Variants in GRIK4 observed in about 807,000 individuals in gnomAD.
The protein encoded by GRIK4 is glutamate receptor ionotropic, kainate 4.
In GRIK4, 40 loss-of-function variants were observed where a neutral mutation model predicts 104.9. The observed-to-expected ratio is 0.38, with a 90% confidence interval of 0.30 to 0.50. GRIK4 has a LOEUF of 0.50. GRIK4 is among the 20% of genes least tolerant of loss of function. The probability of loss-of-function intolerance (pLI) is 0.93; values close to 1 mark genes in which losing one functional copy is unlikely to be tolerated. For synonymous variants in GRIK4, 485 were observed against 524.9 expected (o/e 0.92, Z 1.04); for missense variants, 1,047 against 1,308.1 (o/e 0.80, Z 3.08).
intron 5 of GRIK4, among the ~76,000 whole-genome samples, chr11:120,815,875 G>T (rs1210740902): frequency 6.6e-6 from 1 of 152,208 alleles, no homozygotes; most frequent in Non-Finnish European, 1.5e-5. Context: ...TACATATCGG[G>T]ATTCTGGGGA....
chr11:120,954,307 G>A (rs1326430024), intron 15 of GRIK4, among the ~76,000 whole-genome samples: 2 of 151,962 alleles, frequency 1.3e-5, no homozygotes, highest in East Asian at 1.9e-4. Context: ...ATTTTCAAAC[G>A]TGGCAGAGTT....
chr11:120,641,787 A>G (rs1343375233), intron 1 of GRIK4, among the ~76,000 whole-genome samples: 4 of 152,266 alleles, frequency 2.6e-5, no homozygotes, highest in Non-Finnish European at 4.4e-5. Flanking sequence ...TTGACCTCCT[A>G]TCTCATTCTG....
chr11:120,927,266 A>G (rs968610726), intron 13 of GRIK4, among the ~76,000 whole-genome samples: 12 of 152,156 alleles, frequency 7.9e-5, no homozygotes, highest in Non-Finnish European at 1.6e-4. Context: ...AGAGTCCACA[A>G]AACTAGAAAG....
chr11:120,729,038 A>T (rs1436573854), intron 3 of GRIK4, among the ~76,000 whole-genome samples: 2 of 152,164 alleles, frequency 1.3e-5, no homozygotes, highest in Non-Finnish European at 2.9e-5. Context: ...TGCCTGGTTT[A>T]TTACACTTAA....
chr11:120,565,167 C>G (rs945919957), intron 1 of GRIK4, among the ~76,000 whole-genome samples: 2 of 152,196 alleles, frequency 1.3e-5, no homozygotes, highest in African/African-American at 4.8e-5. Context: ...TGTGCCTGCT[C>G]TCCTGCCAGC....
intron 19 of GRIK4, among the ~76,000 whole-genome samples, chr11:120,973,734 C>T (rs1026557864): frequency 6.6e-6 from 1 of 152,138 alleles, no homozygotes; most frequent in South Asian, 2.1e-4. Flanking sequence ...CTTGGCCAAG[C>T]GAAACTGCAC....
At position 120,513,468 on chromosome 11, in the gene GRIK4, G is replaced by T. The variant is rs1947686313; in HGVS notation, c.-159+1581G>T. 6.6e-6 allele frequency among the ~76,000 whole-genome samples: 1 copy of T among 152,152 alleles called. No homozygotes were observed. The highest frequency in any genetic ancestry group is 1.5e-5 in the Non-Finnish European group (1 of 68,034). ...GTCCCACCAGGGATGGCAGCCCCTGGAATTCCACTGGGCGTCATCATGCTG... is the reference window on the plus strand; with the variant it reads ...GTCCCACCAGGGATGGCAGCCCCTGTAATTCCACTGGGCGTCATCATGCTG... On this transcript the variant is annotated intron_variant, in intron 1 of 20. Transcript: ENST00000527524. The surrounding 1 kb of genome is among the most constrained non-coding windows in gnomAD (Gnocchi z 4.5).
chr11:120,863,400 A>G (rs1014910156), intron 9 of GRIK4, among the ~76,000 whole-genome samples: 4 of 152,248 alleles, frequency 2.6e-5, no homozygotes, highest in African/African-American at 7.2e-5. Flanking sequence ...GTAGTAGGCT[A>G]TAGCATCTAT....
At position 120,836,759 on chromosome 11, in the gene GRIK4, T is replaced by G. The variant is rs1294087379; in HGVS notation, c.691-32T>G. 4 of 1,536,840 alleles carry G rather than the reference T, an allele frequency of 2.6e-6. No individual in the cohort carries two copies. In the Admixed American group the frequency reaches 5.0e-5, roughly 19 times the overall value. On this transcript the variant is annotated intron_variant, in intron 7 of 20. Coordinates refer to ENST00000527524, the MANE Select transcript of GRIK4 (RefSeq NM_014619.5). ...ATTTGCTTCAAGTGAGTTTTTGTTTTCTTCTCTAATCTCCTTCTCTTCGCC... is the reference window on the plus strand; with the variant it reads ...ATTTGCTTCAAGTGAGTTTTTGTTTGCTTCTCTAATCTCCTTCTCTTCGCC...
chr11:120,870,302 G>A (rs1293730932), intron 9 of GRIK4: 2 of 152,250 alleles, frequency 1.3e-5, no homozygotes, highest in African/African-American at 4.8e-5. Flanking sequence ...GGGAGAATGG[G>A]TGCTAGGTAG....
intron 19 of GRIK4, among the ~76,000 whole-genome samples, chr11:120,968,181 A>G (rs1944416648): frequency 6.6e-6 from 1 of 152,190 alleles, no homozygotes; most frequent in South Asian, 2.1e-4. Context: ...ATGGCTAAGA[A>G]GTGTTGACGG....
At chr11:120,598,062 C>A (rs1591725290) in intron 1 of GRIK4, among the ~76,000 whole-genome samples, 1 of 152,210 alleles carries the variant, frequency 6.6e-6, no homozygotes, top group Admixed American at 6.5e-5. Flanking sequence ...TAACAACAGA[C>A]TTCCCCTCCT....
In GRIK4 at chr11:120,527,855, A is replaced by T. The variant is rs546511473; in HGVS notation, c.-159+15968A>T. On this transcript the variant is annotated intron_variant, in intron 1 of 20. Transcript: ENST00000527524. ...AGGAAGAGGCTTCTTTACCAGCGGA[A>T]CCAGCCTCACCTCCTCTGGGAGGCC... Among the ~76,000 whole-genome samples the T allele has an allele frequency of 7.9e-5, 12 of 152,332 alleles. No homozygotes were observed. The East Asian group carries it at 2.3e-3, about 29-fold the overall frequency.
chr11:120,526,058 A>G (rs1947852731), intron 1 of GRIK4, among the ~76,000 whole-genome samples: 1 of 152,202 alleles, frequency 6.6e-6, no homozygotes, highest in Admixed American at 6.5e-5. Flanking sequence ...CAGGCGAAGT[A>G]ATCTATGGTA....
intron 3 of GRIK4, among the ~76,000 whole-genome samples, chr11:120,687,035 G>A (rs1008522484): frequency 6.6e-6 from 1 of 152,200 alleles, no homozygotes; most frequent in Non-Finnish European, 1.5e-5. Context: ...TGGAGCAGAA[G>A]CACTGTTTTG....
At chr11:120,740,906 A>T (rs1951316201) in intron 3 of GRIK4, among the ~76,000 whole-genome samples, 1 of 152,032 alleles carries the variant, frequency 6.6e-6, no homozygotes, top group African/African-American at 2.4e-5. Context: ...ATTTGGTTTT[A>T]TTTGACGCAA....
At chr11:120,920,030 A>T (rs1025947735) in intron 13 of GRIK4, among the ~76,000 whole-genome samples, 4 of 152,118 alleles carry the variant, frequency 2.6e-5, no homozygotes. Context: ...GTCAGCATAC[A>T]GGTGGTAGTA....
intron 1 of GRIK4, among the ~76,000 whole-genome samples, chr11:120,541,878 T>TA (rs543830521): frequency 2.0e-5 from 3 of 152,298 alleles, no homozygotes; most frequent in African/African-American, 7.2e-5. Context: ...TGTCAAAATG[T>TA]CTATACTACT....
chr11:120,830,997 C>T (rs944027953), intron 6 of GRIK4, among the ~76,000 whole-genome samples: 1 of 151,974 alleles, frequency 6.6e-6, no homozygotes, highest in Non-Finnish European at 1.5e-5. Context: ...CCTCCTCCCA[C>T]CAGGGCCCTA....
Sources: allele counts gnomAD v4.1 joint callset (sites outside exome capture counted in the v4.1 genomes callset), GRCh38; gene constraint gnomAD v4.1.1; non-coding constraint Gnocchi (gnomAD v3.1); transcripts MANE v1.5; gene names NCBI Gene and HGNC (gene_info 2026-07-23, HGNC 2026-07-21).